BRAF: variants seen among roughly 807,000 people sequenced by gnomAD.
The protein encoded by BRAF is serine/threonine-protein kinase B-raf.
Under a neutral mutation model 104.6 loss-of-function variants are expected in BRAF, and 16 were observed. The ratio of observed to expected loss-of-function variants is 0.15; its 90% confidence interval spans 0.10 to 0.23. The LOEUF (loss-of-function observed/expected upper bound fraction) is 0.23. Among genes scored for constraint, BRAF ranks in the 10% least tolerant of loss-of-function variants. The probability of loss-of-function intolerance (pLI) is 1.00; values close to 1 mark genes in which losing one functional copy is unlikely to be tolerated. For synonymous variants in BRAF, 310 were observed against 341.6 expected (o/e 0.91, Z 1.02); for missense variants, 541 against 937.3 (o/e 0.58, Z 5.52).
rs139576905 is a variant in BRAF at position 140,918,912 on chromosome 7, G to T, written c.138+5654C>A. ...CCCAGCACTTTGGGAGGCTGAGGCG[G>T]GCAGATCACGAGGTCAGGAGATTGA... On this transcript the variant is annotated intron_variant, in intron 1 of 19. Coordinates refer to ENST00000644969, the MANE Select transcript of BRAF (RefSeq NM_001374258.1). Among the ~76,000 whole-genome samples the T allele has an allele frequency of 0.033, 5,011 of 152,198 alleles. 593 individuals carry two copies. In the East Asian group the frequency reaches 0.41, roughly 12 times the overall value.
chr7:140,800,393 A>C lies in BRAF; in HGVS notation c.949T>G (p.Ser317Ala). ...GAGTCCGAGGCGGGTGCGGAAGGGG[A>C]TGATCCAGATGTTAGGGCAGTCTCT... ...LAETALTSGS[S>A]PSAPASDSIG... The change falls in exon 7 of 20, where the codon TCC becomes GCC. Residue 317 changes from serine to alanine, a missense_variant. Physicochemically the swap from Ser to Ala is moderately conservative, Grantham distance 99. Coordinates refer to ENST00000644969, the MANE Select transcript of BRAF (RefSeq NM_001374258.1). 6.2e-7 allele frequency: 1 copy of C among 1,614,146 alleles called. No homozygotes were observed. The highest frequency in any genetic ancestry group is 1.1e-5 in the South Asian group (1 of 91,086).
chr7:140,758,578 T>C (rs543653475), intron 14 of BRAF, among the ~76,000 whole-genome samples: 3 of 151,878 alleles, frequency 2.0e-5, no homozygotes, highest in Non-Finnish European at 4.4e-5. Flanking sequence ...ACTCAGCATC[T>C]TGTGTAGCTG....
intron 17 of BRAF, among the ~76,000 whole-genome samples, chr7:140,745,291 A>G (rs562993026): frequency 6.4e-4 from 97 of 152,334 alleles, no homozygotes; most frequent in Non-Finnish European, 1.1e-3. Context: ...CTTAAAAAAT[A>G]TACAAGGAGA....
At chr7:140,807,329 T>A in intron 5 of BRAF, among the ~76,000 whole-genome samples, 1 of 152,166 alleles carries the variant, frequency 6.6e-6, no homozygotes, top group East Asian at 1.9e-4. Flanking sequence ...AACAGATTTT[T>A]TATAATACAA....
intron 12 of BRAF, among the ~76,000 whole-genome samples, chr7:140,779,405 T>C (rs555829606): frequency 2.0e-5 from 3 of 152,244 alleles, no homozygotes; most frequent in Admixed American, 2.0e-4. Flanking sequence ...CCTGGCTAAT[T>C]TATGTGCACT....
chr7:140,740,189 C>T (rs200251533), intron 17 of BRAF: 4 of 389,298 alleles, frequency 1.0e-5, no homozygotes, highest in African/African-American at 4.0e-5. Context: ...TGCTCCCCTG[C>T]TTTTGGTCTC....
intron 1 of BRAF, among the ~76,000 whole-genome samples, chr7:140,864,711 G>C (rs778635862): frequency 6.6e-6 from 1 of 152,200 alleles, no homozygotes; most frequent in African/African-American, 2.4e-5. Context: ...ATTAGGAAAG[G>C]TAGGAATTGT....
intron 19 of BRAF, among the ~76,000 whole-genome samples, chr7:140,729,117 T>TAG (rs1795786056): frequency 6.7e-6 from 1 of 149,444 alleles, no homozygotes; most frequent in Admixed American, 6.7e-5. Context: ...CATGTAGTCC[T>TAG]AGCTACCTAG....
intron 2 of BRAF, among the ~76,000 whole-genome samples, chr7:140,843,935 G>A (rs1425887662): frequency 2.0e-5 from 3 of 152,130 alleles, no homozygotes; most frequent in African/African-American, 7.2e-5. Context: ...CGTGAACCCG[G>A]GAGGTGGAGC....
At chr7:140,919,846 T>G (rs1818028075) in intron 1 of BRAF, among the ~76,000 whole-genome samples, 1 of 151,456 alleles carries the variant, frequency 6.6e-6, no homozygotes, top group African/African-American at 2.4e-5. Context: ...TTTTTGTTTG[T>G]TTGTTTGTTT....
In BRAF at chr7:140,724,775, A is replaced by G. The variant is rs896102936; in HGVS notation, c.*1719T>C. The G allele has an allele frequency of 1.9e-6, 2 of 1,034,544 alleles. No homozygotes were observed. Among genetic ancestry groups the G allele is most frequent in the African/African-American group, 1.7e-5 (1 of 59,338 alleles). 64.1% of individuals were successfully genotyped at this position (1,034,544 alleles called of 1,614,324 possible). ...TTTAATTTCTTTCAAGTCCTTGGCT[A>G]TAGCTTGGTTGGTCTGATTTGATTT... On this transcript the variant is annotated 3_prime_UTR_variant, in exon 20 of 20. Transcript: ENST00000644969.
At chr7:140,912,240 A>T (rs1459287195) in intron 1 of BRAF, among the ~76,000 whole-genome samples, 4 of 152,032 alleles carry the variant, frequency 2.6e-5, no homozygotes, top group African/African-American at 9.7e-5. Flanking sequence ...ACTTTCACAT[A>T]TCCCCAATCC....
At chr7:140,909,402 G>A (rs746234107) in intron 1 of BRAF, among the ~76,000 whole-genome samples, 1 of 152,066 alleles carries the variant, frequency 6.6e-6, no homozygotes, top group Non-Finnish European at 1.5e-5. Flanking sequence ...TGGGCAATAA[G>A]AGCAAAACTC....
At chr7:140,879,706 AGGTTAG>A (rs1213814206) in intron 1 of BRAF, among the ~76,000 whole-genome samples, 1 of 150,856 alleles carries the variant, frequency 6.6e-6, no homozygotes, top group African/African-American at 2.4e-5. Context: ...TGGTTGCTAA[AGGTTAG>A]GGTGACTGTG....
intron 1 of BRAF, among the ~76,000 whole-genome samples, chr7:140,882,375 T>A (rs1025373962): frequency 1.3e-5 from 2 of 148,436 alleles, no homozygotes; most frequent in African/African-American, 5.0e-5. Context: ...AAGTATCTTT[T>A]TTTTTTTTTT....
chr7:140,811,435 T>G (rs767955680), intron 3 of BRAF, among the ~76,000 whole-genome samples: 23 of 152,072 alleles, frequency 1.5e-4, no homozygotes, highest in Non-Finnish European at 2.9e-4. Context: ...TAGGGGACTC[T>G]CAGGGGAGAG....
intron 1 of BRAF, among the ~76,000 whole-genome samples, chr7:140,860,465 G>GAA (rs746617365): frequency 4.7e-4 from 29 of 62,134 alleles, no homozygotes; most frequent in African/African-American, 2.3e-3. Context: ...CCCATCTCTA[G>GAA]AAAAAAAAAA....
At chr7:140,845,491 G>A (rs1173447212) in intron 2 of BRAF, among the ~76,000 whole-genome samples, 1 of 151,874 alleles carries the variant, frequency 6.6e-6, no homozygotes, top group African/African-American at 2.4e-5. Context: ...TCAATAACAA[G>A]AACAAAACAA....
intron 17 of BRAF, chr7:140,748,997 C>G (rs756667521): frequency 8.0e-6 from 3 of 374,192 alleles, no homozygotes; most frequent in African/African-American, 2.1e-5. Context: ...AGTAGCAGAG[C>G]TCATTCTTCT....
Sources: allele counts gnomAD v4.1 joint callset (sites outside exome capture counted in the v4.1 genomes callset), GRCh38; gene constraint gnomAD v4.1.1; transcripts MANE v1.5; gene names NCBI Gene and HGNC (gene_info 2026-07-23, HGNC 2026-07-21).